Variants in VWA3B observed in about 807,000 individuals in gnomAD.
VWA3B encodes von Willebrand factor A domain containing 3B.
In VWA3B, 138 loss-of-function variants were observed where a neutral mutation model predicts 158.3. The ratio of observed to expected loss-of-function variants is 0.87; its 90% confidence interval spans 0.76 to 1.00. The LOEUF is 1.00. Ranked by LOEUF, VWA3B falls within the 50% of genes least tolerant of loss-of-function variation. The pLI is 0.00. For missense variants in VWA3B, 1,555 were observed against 1,565.1 expected, an observed-to-expected ratio of 0.99 and a Z score of 0.11; for synonymous variants, 596 against 587.3, an observed-to-expected ratio of 1.01 and a Z score of -0.21.
chr2:98,228,428 A>G, intron 15 of VWA3B, 96 bp downstream of exon 15: 1 of 1,425,030 alleles, frequency 7.0e-7, no homozygotes, highest in Non-Finnish European at 9.3e-7. Context: ...GCTCTGTGAA[A>G]TTTCTTTTAG....
At chr2:98,299,800 T>C (rs1690061666) in intron 24 of VWA3B, among the ~76,000 whole-genome samples, 1 of 152,140 alleles carries the variant, frequency 6.6e-6, no homozygotes, top group Non-Finnish European at 1.5e-5. Context: ...TAGGGTGTGG[T>C]TTCCAGAACC....
chr2:98,166,196 G>A (rs905856762), intron 8 of VWA3B, among the ~76,000 whole-genome samples: 1 of 152,168 alleles, frequency 6.6e-6, no homozygotes, highest in Non-Finnish European at 1.5e-5. Context: ...AATTAGCCAG[G>A]TGTGGTGGCG....
chr2:98,250,496 ACTTCT>A, intron 20 of VWA3B, 60 bp downstream of exon 20: 1 of 1,278,512 alleles, frequency 7.8e-7, no homozygotes, highest in Non-Finnish European at 1.1e-6. Context: ...GGAGAAGGAG[ACTTCT>A]CTTGTTTTAG....
Position 98,162,955 on chromosome 2 carries a change from G to C in VWA3B, c.1093G>C (p.Asp365His). The C allele has an allele frequency of 6.2e-7, 1 of 1,614,120 alleles. No individual in the cohort carries two copies. The change falls in exon 8 of 28, where the codon GAC (aspartate) becomes CAC (histidine). Residue 365 changes from aspartate to histidine, a missense_variant. Transcript: ENST00000477737. ...QRLVAEPPKP[D>H]VATVDCESET... The stretch of plus-strand genomic sequence containing the variant: ...GCTGGTGGCCGAGCCTCCCAAGCCC[G>C]ACGTGGCCACTGTGGACTGCGGTTG...
Position 98,290,586 on chromosome 2 carries a change from A to G in VWA3B, c.3121A>G (p.Ile1041Val). ...RPDPLKGQKV[I>V]ARCDENGFYF... is the part of the protein sequence containing the mutation. ...AGATCCCCTCAAAGGACAGAAGGTTATTGCAAGATGTGATGAAAATGGCTT... is the reference window on the plus strand; with the variant it reads ...AGATCCCCTCAAAGGACAGAAGGTTGTTGCAAGATGTGATGAAAATGGCTT... Residue 1041 changes from isoleucine (I) to valine (V), a missense_variant, in exon 23 of 28, where the codon ATT (isoleucine) becomes GTT (valine). Transcript: ENST00000477737. The G allele has an allele frequency of 2.5e-6, 4 of 1,595,876 alleles. No individual in the cohort carries two copies. Among genetic ancestry groups the G allele is most frequent in the Non-Finnish European group, 3.4e-6 (4 of 1,174,704 alleles).
intron 22 of VWA3B, among the ~76,000 whole-genome samples, chr2:98,287,354 C>A (rs1689226707): frequency 1.3e-5 from 2 of 152,094 alleles, no homozygotes; most frequent in African/African-American, 4.8e-5. Context: ...TTTTCAGAAT[C>A]CTTAAATAGA....
At chr2:98,098,328 T>G (rs551397106) in intron 2 of VWA3B, among the ~76,000 whole-genome samples, 1 of 152,290 alleles carries the variant, frequency 6.6e-6, no homozygotes, top group African/African-American at 2.4e-5. Context: ...TCTGCTATTA[T>G]TGTACTATTA....
At chr2:98,324,921 A>AG in the VWA3B span, among the ~76,000 whole-genome samples, 1 of 151,848 alleles carries the variant, frequency 6.6e-6, no homozygotes, top group South Asian at 2.1e-4. Flanking sequence ...AAAAAAAAAA[A>AG]TCCACTGGAT....
chr2:98,237,530 G>A (rs530958842), intron 19 of VWA3B, among the ~76,000 whole-genome samples: 42 of 152,268 alleles, frequency 2.8e-4, no homozygotes, highest in African/African-American at 8.4e-4. Flanking sequence ...ATGGGAGGGC[G>A]TGGTAGGGTT....
chr2:98,179,736 TCTC>T (rs1359153820), intron 8 of VWA3B, among the ~76,000 whole-genome samples: 1 of 151,514 alleles, frequency 6.6e-6, no homozygotes, highest in African/African-American at 2.4e-5. Context: ...TCTCTCTCTC[TCTC>T]CTTCCTCCCT....
chr2:98,234,874 G>A, intron 17 of VWA3B, 107 bp downstream of exon 17: 2 of 1,471,424 alleles, frequency 1.4e-6, no homozygotes, highest in South Asian at 2.7e-5. Context: ...TTTTAAATGG[G>A]CCCAGATTGC....
chr2:98,203,114 A>T (rs1417859589), intron 12 of VWA3B, among the ~76,000 whole-genome samples: 3 of 152,224 alleles, frequency 2.0e-5, no homozygotes, highest in Non-Finnish European at 2.9e-5. Context: ...TACAGGCGTG[A>T]GCCACCACAC....
At chr2:98,265,074 G>A (rs1483421680) in intron 21 of VWA3B, among the ~76,000 whole-genome samples, 1 of 150,954 alleles carries the variant, frequency 6.6e-6, no homozygotes, top group African/African-American at 2.4e-5. Flanking sequence ...TTAAGTTTTA[G>A]GGTACACGTG....
At chr2:98,293,995 G>T (rs2105960101) in intron 23 of VWA3B, among the ~76,000 whole-genome samples, 1 of 151,826 alleles carries the variant, frequency 6.6e-6, no homozygotes, top group East Asian at 1.9e-4. Flanking sequence ...TAAGCATAAG[G>T]CCAGTTATTT....
chr2:98,116,469 G>A (rs10207980), intron 3 of VWA3B, among the ~76,000 whole-genome samples: 39,401 of 151,596 alleles, frequency 0.26, 5,721 homozygotes, highest in African/African-American at 0.4. Context: ...GTCTCTTTAC[G>A]TAATCCTATG....
intron 26 of VWA3B, among the ~76,000 whole-genome samples, chr2:98,308,092 G>T (rs1321838897): frequency 1.3e-5 from 2 of 152,108 alleles, no homozygotes; most frequent in African/African-American, 4.8e-5. Flanking sequence ...ACACCTAAAT[G>T]ATTCTTAAAG....
In VWA3B at chr2:98,234,611, C is replaced by A. The variant is rs372381332; in HGVS notation, c.2309-37C>A. On this transcript the variant is annotated intron_variant, in intron 16 of 27. Transcript: ENST00000477737. ...TCTAATGAAGTATCTCCTTCCATCC[C>A]CAATTCCTTTAACTCTTCCCTCTGT... 4.3e-5 allele frequency: 70 copies of A among 1,613,420 alleles called. No individual in the cohort carries two copies. The African/African-American group carries it at 6.7e-4, about 15-fold the overall frequency.
intron 22 of VWA3B, among the ~76,000 whole-genome samples, chr2:98,287,494 A>G (rs1359687764): frequency 2.0e-5 from 3 of 152,210 alleles, no homozygotes; most frequent in Admixed American, 1.3e-4. Flanking sequence ...ATTCTGGATG[A>G]TGGAATGAAG....
At position 98,285,638 on chromosome 2, in the gene VWA3B, T is replaced by C. The variant is rs181196823; in HGVS notation, c.3046-4873T>C. Among the ~76,000 whole-genome samples the C allele has an allele frequency of 9.2e-5, 14 of 151,840 alleles. 1 individual carries two copies. In the East Asian group the frequency reaches 2.7e-3, roughly 29 times the overall value. On this transcript the variant is annotated intron_variant, in intron 22 of 27. Coordinates refer to ENST00000477737, the MANE Select transcript of VWA3B (RefSeq NM_144992.5). Reference sequence around the variant, plus strand: ...CTATGTCAGTACCACAATTTCTTGATGACTGTAGGTATAGGAAGTTTCAAA... The same window carrying C: ...CTATGTCAGTACCACAATTTCTTGACGACTGTAGGTATAGGAAGTTTCAAA...
Sources: gnomAD v4.1 joint callset for allele counts (sites outside exome capture counted in the v4.1 genomes callset) on GRCh38, gnomAD v4.1.1 for gene constraint, MANE v1.5 for transcripts, NCBI Gene and HGNC (gene_info 2026-07-23, HGNC 2026-07-21) for gene names.